Variants in FBN1 observed in about 807,000 individuals in gnomAD.
The protein encoded by FBN1 is fibrillin-1.
In FBN1, 29 loss-of-function variants were observed where a neutral mutation model predicts 365.1. That is an observed-to-expected ratio of 0.08 (90% CI 0.06 to 0.11). The LOEUF (loss-of-function observed/expected upper bound fraction) is 0.11. Among genes scored for constraint, FBN1 ranks in the 10% least tolerant of loss-of-function variants. The probability of loss-of-function intolerance (pLI) is 1.00; values close to 1 mark genes in which losing one functional copy is unlikely to be tolerated. For synonymous variants in FBN1, 1,210 were observed against 1,270.5 expected (o/e 0.95, Z 1.01); for missense variants, 2,476 against 3,703.2 (o/e 0.67, Z 8.60).
At chr15:48,552,020 C>T (rs1005943827) in intron 6 of FBN1, among the ~76,000 whole-genome samples, 5 of 152,126 alleles carry the variant, frequency 3.3e-5, no homozygotes, top group African/African-American at 9.7e-5. Context: ...GGTATATACC[C>T]GGTAGTGGTA....
chr15:48,534,026 G>A (rs2043993077), intron 8 of FBN1, 54 bp downstream of exon 8: 4 of 1,610,512 alleles, frequency 2.5e-6, no homozygotes, highest in Non-Finnish European at 3.4e-6. Context: ...TTCTAATGTT[G>A]AGTTTTGCCT....
intron 2 of FBN1, among the ~76,000 whole-genome samples, chr15:48,629,375 T>A (rs1055360892): frequency 5.3e-5 from 8 of 152,200 alleles, no homozygotes; most frequent in Non-Finnish European, 4.4e-5. Flanking sequence ...ACAATCTACA[T>A]ATTCAAAAAT....
At chr15:48,567,681 C>T (rs936562647) in intron 6 of FBN1, among the ~76,000 whole-genome samples, 1 of 152,066 alleles carries the variant, frequency 6.6e-6, no homozygotes, top group Admixed American at 6.6e-5. Context: ...TAATGTAATA[C>T]ACCATATTAA....
chr15:48,421,587 G>A lies in FBN1; in HGVS notation c.7670C>T (p.Ser2557Leu), dbSNP rs2141221783. The A allele has an allele frequency of 6.2e-7, 1 of 1,613,622 alleles. No individual in the cohort carries two copies. The highest frequency in any genetic ancestry group is 2.2e-5 in the East Asian group (1 of 44,840). The change falls in exon 62 of 66, where the codon TCA becomes TTA. Residue 2557 changes from serine to leucine, a missense_variant. Around this residue, in one of 5 missense-constraint regions of FBN1, gnomAD observed 1,780 missense variants for 2,840.8 expected, o/e 0.63. Transcript: ENST00000316623. Reference sequence around the variant, plus strand: ...ACAGCTGGAGCCGGTCTGATCAAGTGAGAATCCCCGCTGGCATTCACAGGT... The same window carrying A: ...ACAGCTGGAGCCGGTCTGATCAAGTAAGAATCCCCGCTGGCATTCACAGGT... ...SFTCECQRGF[S>L]LDQTGSSCED...
chr15:48,610,908 C>G, intron 3 of FBN1, 82 bp from the exon 4 acceptor site: 1 of 1,199,602 alleles, frequency 8.3e-7, no homozygotes. Flanking sequence ...ATGAGGAAAC[C>G]TGGGTTCTCA....
At chr15:48,613,330 A>G (rs2044671651) in intron 2 of FBN1, among the ~76,000 whole-genome samples, 1 of 152,244 alleles carries the variant, frequency 6.6e-6, no homozygotes, top group Non-Finnish European at 1.5e-5. Flanking sequence ...AATAAAAACC[A>G]GAGATACAAA....
chr15:48,592,356 T>C (rs1026884331), intron 6 of FBN1, among the ~76,000 whole-genome samples: 1 of 152,156 alleles, frequency 6.6e-6, no homozygotes, highest in African/African-American at 2.4e-5. Flanking sequence ...ATTCACTGTG[T>C]TTAATACAAA....
rs1343091164 is a variant in FBN1 at position 48,481,743 on chromosome 15, T to A, written c.3876A>T (p.Leu1292=). The A allele has an allele frequency of 3.1e-6, 5 of 1,613,646 alleles. No individual in the cohort carries two copies. The highest frequency in any genetic ancestry group is 4.2e-6 in the Non-Finnish European group (5 of 1,179,696). ...CTTTCGTGTTTTCACAGGTCCCACT[T>A]AGGCAGATATTTGGATTCAGGTCAC... ...NECDLNPNIC[L]SGTCENTKGS... is the part of the protein sequence containing the mutation. The change falls in exon 32 of 66, where the codon CTA becomes CTT. Residue 1292 remains leucine, a synonymous_variant. Transcript: ENST00000316623.
At position 48,575,176 on chromosome 15, in the gene FBN1, G is replaced by A. The variant is rs957639051; in HGVS notation, c.538+21107C>T. 2.6e-5 allele frequency among the ~76,000 whole-genome samples: 4 copies of A among 152,152 alleles called. No individual in the cohort carries two copies. In the South Asian group the frequency reaches 8.3e-4, roughly 32 times the overall value. On this transcript the variant is annotated intron_variant, in intron 6 of 65. Transcript: ENST00000316623. ...CCCACAATCACAGATAACAAAATGA[G>A]GATGAAAGAGCAATTGCTCTAGCAT...
intron 2 of FBN1, among the ~76,000 whole-genome samples, chr15:48,613,835 C>T (rs374310399): frequency 1.6e-3 from 237 of 152,072 alleles, no homozygotes; most frequent in African/African-American, 5.5e-3. Context: ...GGCTGAGGCA[C>T]GAGAATCGCT....
intron 32 of FBN1, among the ~76,000 whole-genome samples, chr15:48,479,630 A>C (rs184249207): frequency 6.6e-6 from 1 of 152,342 alleles, no homozygotes; most frequent in Non-Finnish European, 1.5e-5. Flanking sequence ...GAAGAGGATC[A>C]AATGTTTCTT....
intron 31 of FBN1, among the ~76,000 whole-genome samples, chr15:48,482,496 C>T (rs2043472623): frequency 6.6e-6 from 1 of 152,088 alleles, no homozygotes; most frequent in Non-Finnish European, 1.5e-5. Flanking sequence ...CTAGGTGAAT[C>T]CTACAATTGC....
chr15:48,631,007 A>C (rs187141854), intron 2 of FBN1, among the ~76,000 whole-genome samples: 1 of 152,184 alleles, frequency 6.6e-6, no homozygotes, highest in Non-Finnish European at 1.5e-5. Flanking sequence ...GTTTACTGCC[A>C]ATCAGTTAAC....
At chr15:48,429,351 A>G (rs2043007969) in intron 56 of FBN1, among the ~76,000 whole-genome samples, 1 of 152,246 alleles carries the variant, frequency 6.6e-6, no homozygotes. Flanking sequence ...TATTTCAACA[A>G]TATTATTAAG....
rs67119745 is a variant in FBN1, at chr15:48,543,068, CTTTA to C, written c.539-5264_539-5261del. On this transcript the variant is annotated intron_variant, in intron 6 of 65. Coordinates refer to ENST00000316623, the MANE Select transcript of FBN1 (RefSeq NM_000138.5). ...ACAGTGCTGCACTGATTATGAGGCACTTTATTATGTTCTTTACTAATTATATTAT... is the reference window on the plus strand; with the variant it reads ...ACAGTGCTGCACTGATTATGAGGCACTTATGTTCTTTACTAATTATATTAT... Among the ~76,000 whole-genome samples, 2,732 of 152,184 alleles carry C rather than the reference CTTTA, an allele frequency of 0.018. 202 individuals carry two copies. In the East Asian group the frequency reaches 0.23, roughly 13 times the overall value.
chr15:48,625,750 C>T lies in FBN1; in HGVS notation c.165-12658G>A, dbSNP rs16961251. On this transcript the variant is annotated intron_variant, in intron 2 of 65. Transcript: ENST00000316623. ...TACACGTGAAGCAAGGAAGCAAGTC[C>T]GTTTTGAATCCTATTTGGTGACTTT... 6.6e-3 allele frequency among the ~76,000 whole-genome samples: 1,009 copies of T among 152,260 alleles called. 6 individuals carry two copies. Among genetic ancestry groups the T allele is most frequent in the African/African-American group, 0.024 (977 of 41,552 alleles).
chr15:48,611,540 G>A (rs1366864804), intron 3 of FBN1, among the ~76,000 whole-genome samples: 5 of 152,262 alleles, frequency 3.3e-5, no homozygotes, highest in Middle Eastern at 3.4e-3. Flanking sequence ...GATTACAGGC[G>A]TAAACCACCG....
At position 48,600,982 on chromosome 15, in the gene FBN1, T is replaced by G. The variant is rs1361959819; in HGVS notation, c.347-748A>C. On this transcript the variant is annotated intron_variant, in intron 4 of 65. Transcript: ENST00000316623. ...GTTAAAAGAAATTTTAGAGGCAGAA[T>G]AGAGAAAAAAGAAAATACCTACAAA... is the stretch of plus-strand genomic sequence containing the variant. Among the ~76,000 whole-genome samples, 3 of 151,968 alleles carry G rather than the reference T, an allele frequency of 2.0e-5. No homozygotes were observed. The East Asian group carries it at 5.8e-4, about 29-fold the overall frequency.
intron 2 of FBN1, among the ~76,000 whole-genome samples, chr15:48,618,094 C>T (rs550751920): frequency 6.6e-6 from 1 of 151,842 alleles, no homozygotes; most frequent in Admixed American, 6.6e-5. Context: ...AGGAAAAAAA[C>T]TATGATTTAG....
Sources: gnomAD v4.1 joint callset for allele counts (sites outside exome capture counted in the v4.1 genomes callset) on GRCh38, gnomAD v4.1.1 for gene constraint, gnomAD v4.1.1 regional missense constraint, MANE v1.5 for transcripts, NCBI Gene and HGNC (gene_info 2026-07-23, HGNC 2026-07-21) for gene names.